Variants in FRMD4A observed in about 807,000 individuals in gnomAD.
FRMD4A encodes the protein FERM domain containing 4A.
Under a neutral mutation model 129.1 loss-of-function variants are expected in FRMD4A, and 29 were observed. That is an observed-to-expected ratio of 0.22 (90% confidence interval 0.17 to 0.31). The LOEUF (loss-of-function observed/expected upper bound fraction) is 0.31, where lower values mean the gene tolerates loss of function less well. Among genes scored for constraint, FRMD4A ranks in the 10% least tolerant of loss-of-function variants. The pLI is 1.00. For missense variants in FRMD4A, 1,272 were observed against 1,375.8 expected (o/e 0.92, Z 1.19); for synonymous variants, 634 against 571.6 (o/e 1.11, Z -1.56).
In FRMD4A at chr10:14,324,597, T is replaced by G. The variant is rs1045406370; in HGVS notation, c.45+5461A>C. On this transcript the variant is annotated intron_variant, in intron 2 of 24. Coordinates refer to ENST00000357447, the MANE Select transcript of FRMD4A (RefSeq NM_018027.5). ...TTTCCATAAAAGTTGTCAATATCAC[T>G]TTTTTTCAAACATATGCATGAACCA... Among the ~76,000 whole-genome samples, 3 of 152,306 alleles carry G rather than the reference T, an allele frequency of 2.0e-5. No homozygotes were observed. The East Asian group carries it at 5.8e-4, about 29-fold the overall frequency.
intron 3 of FRMD4A, among the ~76,000 whole-genome samples, chr10:13,833,348 T>C (rs1418985201): frequency 2.6e-5 from 4 of 152,154 alleles, no homozygotes; most frequent in Non-Finnish European, 5.9e-5. Context: ...TCTCATGAGA[T>C]TTACTTACTA....
At chr10:14,108,501 T>C (rs934122766) in intron 2 of FRMD4A, among the ~76,000 whole-genome samples, 2 of 152,230 alleles carry the variant, frequency 1.3e-5, no homozygotes, top group Non-Finnish European at 2.9e-5. Context: ...TGAATTGGAA[T>C]GTTGCCTTAA....
chr10:13,927,386 C>T (rs2095145694), intron 2 of FRMD4A, among the ~76,000 whole-genome samples: 1 of 152,232 alleles, frequency 6.6e-6, no homozygotes. Flanking sequence ...CTAGACTCCT[C>T]TAAACTCATG....
chr10:14,254,943 C>T (rs774400906), intron 2 of FRMD4A, among the ~76,000 whole-genome samples: 9 of 152,128 alleles, frequency 5.9e-5, no homozygotes, highest in Non-Finnish European at 1.2e-4. Context: ...AATCCCAGTC[C>T]CTAAAGTCTT....
rs1431397522 is a variant in FRMD4A at position 13,701,410 on chromosome 10, G to A, written c.905C>T (p.Ala302Val). The A allele has an allele frequency of 6.2e-7, 1 of 1,613,748 alleles. No individual in the cohort carries two copies. Among genetic ancestry groups the A allele is most frequent in the Non-Finnish European group, 8.5e-7 (1 of 1,179,614 alleles). Residue 302 changes from alanine to valine, a missense_variant, in exon 14 of 25, where the codon GCA (alanine) becomes GTA (valine). By Grantham distance (64) the Ala-to-Val change is moderately conservative. Coordinates refer to ENST00000357447, the MANE Select transcript of FRMD4A (RefSeq NM_018027.5). ...CATAGCCCAGATGGACTTGATCAAT[G>A]CCGGACATGCATACCACGTGTGCAC... The part of the protein sequence containing the change: ...IAVHTWYACP[A>V]LIKSIWAMAI...
intron 2 of FRMD4A, among the ~76,000 whole-genome samples, chr10:13,957,929 TTTC>T (rs1185187056): frequency 1.3e-5 from 2 of 152,126 alleles, no homozygotes; most frequent in Admixed American, 1.3e-4. Context: ...GCTTGCCTTT[TTTC>T]TTTTTTTGAA....
intron 2 of FRMD4A, among the ~76,000 whole-genome samples, chr10:14,213,636 G>C (rs541176629): frequency 2.6e-5 from 4 of 152,326 alleles, no homozygotes; most frequent in Admixed American, 2.6e-4. Flanking sequence ...GGGAGGTAAA[G>C]CATGGCAGCA....
At chr10:13,989,558 A>G (rs933280493) in intron 2 of FRMD4A, among the ~76,000 whole-genome samples, 20 of 152,120 alleles carry the variant, frequency 1.3e-4, no homozygotes, top group African/African-American at 4.8e-4. Context: ...CAATCTCTTG[A>G]CCTCGTGATC....
At chr10:14,273,549 C>G (rs180920325) in intron 2 of FRMD4A, among the ~76,000 whole-genome samples, 94 of 152,240 alleles carry the variant, frequency 6.2e-4, no homozygotes, top group Admixed American at 4.9e-3. Context: ...GCAGTCTACT[C>G]TGCTCATCTT....
intron 3 of FRMD4A, among the ~76,000 whole-genome samples, chr10:13,823,530 A>G (rs1455726186): frequency 1.3e-5 from 2 of 152,216 alleles, no homozygotes; most frequent in African/African-American, 4.8e-5. Flanking sequence ...TAAACGAAGC[A>G]ACATCTTGGG....
intron 12 of FRMD4A, among the ~76,000 whole-genome samples, chr10:13,715,739 C>T (rs1467085652): frequency 6.6e-6 from 1 of 151,964 alleles, no homozygotes. Context: ...AACCCAGTCT[C>T]TACTAAAGAT....
At position 13,975,045 on chromosome 10, in the gene FRMD4A, G is replaced by A. The variant is rs138450996; in HGVS notation, c.46-116133C>T. On this transcript the variant is annotated intron_variant, in intron 2 of 24. Coordinates refer to ENST00000357447, the MANE Select transcript of FRMD4A (RefSeq NM_018027.5). ...TGTGCGTGTCTGAGTATGCATGTGCGTGTCTCTGAGTCTGTGTGTGTATGT... is the reference window on the plus strand; with the variant it reads ...TGTGCGTGTCTGAGTATGCATGTGCATGTCTCTGAGTCTGTGTGTGTATGT... Among the ~76,000 whole-genome samples the A allele has an allele frequency of 4.8e-3, 735 of 151,868 alleles. 15 individuals are homozygous for A. The highest frequency in any genetic ancestry group is 0.037 in the Admixed American group (572 of 15,254).
intron 2 of FRMD4A, among the ~76,000 whole-genome samples, chr10:14,170,408 T>C (rs1841416012): frequency 6.6e-6 from 1 of 152,196 alleles, no homozygotes. Flanking sequence ...GACCAGATCC[T>C]CTCAGAAGAT....
intron 2 of FRMD4A, among the ~76,000 whole-genome samples, chr10:14,299,554 G>A (rs548915288): frequency 8.4e-4 from 128 of 152,312 alleles, no homozygotes; most frequent in Non-Finnish European, 1.5e-3. Flanking sequence ...GTCAACAAAC[G>A]TGGGAGCCAG....
At chr10:14,034,829 T>C (rs1833421287) in intron 2 of FRMD4A, among the ~76,000 whole-genome samples, 1 of 152,200 alleles carries the variant, frequency 6.6e-6, no homozygotes, top group South Asian at 2.1e-4. Flanking sequence ...CCTCCCCTCA[T>C]TGGCTTTCTA....
At chr10:13,929,859 T>G (rs2095173910) in intron 2 of FRMD4A, among the ~76,000 whole-genome samples, 1 of 152,158 alleles carries the variant, frequency 6.6e-6, no homozygotes, top group African/African-American at 2.4e-5. Context: ...TGAACTTTCT[T>G]TGTGTCAGTT....
At chr10:14,081,448 A>C (rs1835922951) in intron 2 of FRMD4A, among the ~76,000 whole-genome samples, 1 of 152,278 alleles carries the variant, frequency 6.6e-6, no homozygotes, top group South Asian at 2.1e-4. Flanking sequence ...TGTGAAGGAG[A>C]ACTCCTGTGC....
At chr10:13,655,942 T>C (rs1302659557) in intron 22 of FRMD4A, 3 of 151,976 alleles carry the variant, frequency 2.0e-5, no homozygotes, top group Non-Finnish European at 4.4e-5. Context: ...AGTGGTTTCT[T>C]CCTTTTTTTT....
At chr10:14,096,521 A>C (rs1327830998) in intron 2 of FRMD4A, among the ~76,000 whole-genome samples, 2 of 152,232 alleles carry the variant, frequency 1.3e-5, no homozygotes, top group Non-Finnish European at 2.9e-5. Flanking sequence ...AATCTAGGCA[A>C]CTTTGGGGCA....
Sources: allele counts gnomAD v4.1 joint callset (sites outside exome capture counted in the v4.1 genomes callset), GRCh38; gene constraint gnomAD v4.1.1; transcripts MANE v1.5; gene names NCBI Gene and HGNC (gene_info 2026-07-23, HGNC 2026-07-21).